MEST: variants seen among roughly 807,000 people sequenced by gnomAD.
MEST encodes the protein mesoderm specific transcript, also known as mesoderm-specific transcript homolog protein.
MEST carries 18 observed loss-of-function variants against 50.9 expected under a neutral mutation model. The ratio of observed to expected loss-of-function variants is 0.35; its 90% confidence interval spans 0.24 to 0.52. MEST has a LOEUF of 0.52. Among genes scored for constraint, MEST ranks in the 20% least tolerant of loss-of-function variants. The pLI, the probability that MEST is intolerant of heterozygous loss-of-function variation, is 0.94. For missense variants in MEST, 282 were observed against 425.3 expected (o/e 0.66, Z 2.96); for synonymous variants, 130 against 154.1 (o/e 0.84, Z 1.16).
intron 9 of MEST, 70 bp from the exon 10 acceptor site, chr7:130,502,574 G>C (rs1367529548): frequency 5.8e-4 from 667 of 1,146,982 alleles, no homozygotes; most frequent in East Asian, 3.4e-3. Context: ...CTTGTGGCTC[G>C]TTATGCCCTT....
In MEST at chr7:130,500,889, A is replaced by T; in HGVS notation, c.748A>T (p.Ser250Cys). ...RNNDGNLVID[S>C]LLQYINQRKK... ...CAATGACGGGAACTTAGTCATTGAC[A>T]GGTAAGAAGTTACCCTTTGCTTTGG... Residue 250 changes from serine (S) to cysteine (C), a missense_variant and splice_region_variant, in exon 9 of 12, where the codon AGT becomes TGT. Transcript: ENST00000223215. The surrounding 1 kb of genome is among the most constrained non-coding windows in gnomAD (Gnocchi z 5.0). The T allele has an allele frequency of 6.2e-7, 1 of 1,612,616 alleles. No homozygotes were observed. The highest frequency in any genetic ancestry group is 2.2e-5 in the East Asian group (1 of 44,864).
chr7:130,500,190 G>A lies in MEST; in HGVS notation c.577-272G>A, dbSNP rs547282228. 420 of 556,666 alleles carry A rather than the reference G, an allele frequency of 7.5e-4. 1 individual carries two copies. The highest frequency in any genetic ancestry group is 2.4e-4 in the Non-Finnish European group (75 of 318,496). 34.5% of individuals were successfully genotyped at this position (556,666 alleles called of 1,614,324 possible). On this transcript the variant is annotated intron_variant, in intron 7 of 11. Coordinates refer to ENST00000223215, the MANE Select transcript of MEST (RefSeq NM_002402.4). The surrounding 1 kb of genome is among the most constrained non-coding windows in gnomAD (Gnocchi z 5.0). ...GATCTGTGTCACAAGCTTGATGTTT[G>A]AACAAATTAGGATCCTACTCTAAAC...
In MEST at chr7:130,497,921, G is replaced by T. The variant is rs375680311; in HGVS notation, c.262-15G>T. On this transcript the variant is annotated splice_polypyrimidine_tract_variant and intron_variant, in intron 3 of 11. Coordinates refer to ENST00000223215, the MANE Select transcript of MEST (RefSeq NM_002402.4). This position sits in a 1 kb window ranked among gnomAD's most constrained non-coding sequence, Gnocchi z 4.0. ...GCAGGAGCAGAAAGCCCAAATCATC[G>T]TTTCTTTCTTGTAGATTTGGGAAGG... 6.2e-7 allele frequency: 1 copy of T among 1,613,546 alleles called. No individual in the cohort carries two copies. The highest frequency in any genetic ancestry group is 1.7e-5 in the Admixed American group (1 of 60,024).
At chr7:130,503,108 A>T (rs1197888930) in intron 10 of MEST, among the ~76,000 whole-genome samples, 1 of 152,238 alleles carries the variant, frequency 6.6e-6, no homozygotes, top group Non-Finnish European at 1.5e-5. Flanking sequence ...TGACTGCCAC[A>T]TTACATGCTG....
chr7:130,506,324 C>T lies in MEST; in HGVS notation c.*1268C>T, dbSNP rs1584955612. 8.5e-6 allele frequency: 1 copy of T among 117,424 alleles called. No homozygotes were observed. The highest frequency in any genetic ancestry group is 1.8e-5 in the Non-Finnish European group (1 of 55,506). The allele number at this position is 117,424 out of a possible 1,614,324, so 7.3% of individuals were successfully genotyped here. A position where few individuals can be genotyped will look rare whatever the true frequency, so the allele number is the denominator to read the frequency against. ...TCTGGCTTCCCCTCCCCCCTCCCCCCCACCCCTCTGGGATAAAAATTTTCC... is the reference window on the plus strand; with the variant it reads ...TCTGGCTTCCCCTCCCCCCTCCCCCTCACCCCTCTGGGATAAAAATTTTCC... On this transcript the variant is annotated 3_prime_UTR_variant, in exon 12 of 12. Transcript: ENST00000223215.
At chr7:130,503,894 G>A in intron 10 of MEST, 39 bp from the exon 11 acceptor site, 1 of 1,460,532 alleles carries the variant, frequency 6.8e-7, no homozygotes, top group Non-Finnish European at 9.6e-7. Context: ...GAACAGATGT[G>A]AGAGCTGTTA....
At chr7:130,486,986 G>C (rs1266676309) in intron 1 of MEST, 1 of 153,084 alleles carries the variant, frequency 6.5e-6, no homozygotes, top group South Asian at 2.1e-4. Flanking sequence ...CAGGGAGGGG[G>C]ACAGCTGAAG....
upstream of MEST, chr7:130,487,216 G>A (rs1450493072): frequency 6.6e-6 from 1 of 152,184 alleles, no homozygotes; most frequent in African/African-American, 2.4e-5. Flanking sequence ...TTTTCCTTAG[G>A]GGACTGTGGT....
Position 130,495,539 on chromosome 7 carries a change from TG to T in MEST, c.181+19del, listed in dbSNP as rs781842027. The T allele has an allele frequency of 6.8e-6, 11 of 1,611,972 alleles. No individual in the cohort carries two copies. In the African/African-American group the frequency reaches 1.1e-4, roughly 16 times the overall value. ...TCTACCAAGGTAAGAAGTGGACTAT[TG>T]GAAGTCCTGCGTGTATCGGTCACAT... On this transcript the variant is annotated intron_variant, in intron 2 of 11. Transcript: ENST00000223215.
chr7:130,505,846 A>G lies in MEST; in HGVS notation c.*790A>G, dbSNP rs1799457376. On this transcript the variant is annotated 3_prime_UTR_variant, in exon 12 of 12. Transcript: ENST00000223215. Reference sequence around the variant, plus strand: ...TCTGTGCCAGAGATGTACTGTTATTAGCTGGGAAGACCAATTCTAACAGCA... The same window carrying G: ...TCTGTGCCAGAGATGTACTGTTATTGGCTGGGAAGACCAATTCTAACAGCA... 6.6e-6 allele frequency: 1 copy of G among 152,234 alleles called. No individual in the cohort carries two copies. Among genetic ancestry groups the G allele is most frequent in the Admixed American group, 6.5e-5 (1 of 15,290 alleles). 9.4% of individuals were successfully genotyped at this position (152,234 alleles called of 1,614,324 possible). A position where few individuals can be genotyped will look rare whatever the true frequency, so the allele number is the denominator to read the frequency against.
At position 130,505,178 on chromosome 7, in the gene MEST, CT is replaced by C; in HGVS notation, c.*125del. On this transcript the variant is annotated 3_prime_UTR_variant, in exon 12 of 12. Coordinates refer to ENST00000223215, the MANE Select transcript of MEST (RefSeq NM_002402.4). ...AAACATAATTCTCTCACAAAGTCCA[CT>C]TTACTCAAATTGGTGAACAGTGTAT... 1.3e-6 allele frequency: 1 copy of C among 772,098 alleles called. No individual in the cohort carries two copies. Among genetic ancestry groups the C allele is most frequent in the Non-Finnish European group, 2.2e-6 (1 of 457,764 alleles). 47.8% of individuals were successfully genotyped at this position (772,098 alleles called of 1,614,324 possible). A position where few individuals can be genotyped will look rare whatever the true frequency, so the allele number is the denominator to read the frequency against.
At chr7:130,499,843 A>G (rs199782119) in intron 6 of MEST, 32 bp from the exon 7 acceptor site, 46 of 1,566,026 alleles carry the variant, frequency 2.9e-5, no homozygotes, top group Non-Finnish European at 3.8e-5. Context: ...TTAAAGCTGT[A>G]GGTAAATGAC....
chr7:130,500,710 A>T lies in MEST; in HGVS notation c.648-79A>T. The T allele has an allele frequency of 7.6e-7, 1 of 1,310,276 alleles. No individual in the cohort carries two copies. Among genetic ancestry groups the T allele is most frequent in the South Asian group, 1.4e-5 (1 of 72,996 alleles). The allele number at this position is 1,310,276 out of a possible 1,614,324, so 81.2% of individuals were successfully genotyped here. On this transcript the variant is annotated intron_variant, in intron 8 of 11. Coordinates refer to ENST00000223215, the MANE Select transcript of MEST (RefSeq NM_002402.4). This position sits in a 1 kb window ranked among gnomAD's most constrained non-coding sequence, Gnocchi z 5.0. ...GGTCAGACTGCATGGCCCAGACTGCATGGCCTCTGAGGTTCCAGCCATATT... is the reference window on the plus strand; with the variant it reads ...GGTCAGACTGCATGGCCCAGACTGCTTGGCCTCTGAGGTTCCAGCCATATT...
intron 10 of MEST, among the ~76,000 whole-genome samples, chr7:130,503,546 C>T (rs1315279306): frequency 5.9e-5 from 9 of 152,308 alleles, no homozygotes; most frequent in Admixed American, 1.3e-4. Flanking sequence ...AGGATGCTCA[C>T]GTCTGTAATC....
At chr7:130,488,644 G>A (rs1271795053), upstream of MEST, 1 of 152,232 alleles carries the variant, frequency 6.6e-6, no homozygotes, top group East Asian at 1.9e-4. Context: ...CCAGGCTACT[G>A]TGAGGATCAG....
intron 1 of MEST, chr7:130,494,753 G>C: frequency 1.3e-6 from 1 of 786,700 alleles, no homozygotes; most frequent in Middle Eastern, 6.4e-4. Flanking sequence ...ACCCTGAGCA[G>C]TTTCTCAGCC....
intron 2 of MEST, chr7:130,496,639 T>C (rs782447224): frequency 3.0e-5 from 5 of 165,548 alleles, no homozygotes; most frequent in Non-Finnish European, 5.1e-5. Flanking sequence ...TTGTAATAGT[T>C]TTATTATGTT....
Position 130,505,873 on chromosome 7 carries a change from A to G in MEST, c.*817A>G, listed in dbSNP as rs1418420254. 3.3e-5 allele frequency: 5 copies of G among 152,232 alleles called. No individual in the cohort carries two copies. Among genetic ancestry groups the G allele is most frequent in the Admixed American group, 2.0e-4 (3 of 15,280 alleles). 9.4% of individuals were successfully genotyped at this position (152,232 alleles called of 1,614,324 possible). ...CTGGGAAGACCAATTCTAACAGCAA[A>G]TAACAGTCTGAGACTCCTCATACCT... On this transcript the variant is annotated 3_prime_UTR_variant, in exon 12 of 12. Transcript: ENST00000223215.
At position 130,497,127 on chromosome 7, in the gene MEST, A is replaced by G. The variant is rs782378385; in HGVS notation, c.182-29A>G. 11 of 1,581,564 alleles carry G rather than the reference A, an allele frequency of 7.0e-6. No individual in the cohort carries two copies. The South Asian group carries it at 1.0e-4, about 15-fold the overall frequency. ...GAGGTTATTTTTATAGGGATTTGGC[A>G]TAATTGATTGTACTTTCCTTCTTCC... On this transcript the variant is annotated intron_variant, in intron 2 of 11. Transcript: ENST00000223215. This position sits in a 1 kb window ranked among gnomAD's most constrained non-coding sequence, Gnocchi z 4.0.
Sources: gnomAD v4.1 joint callset for allele counts (sites outside exome capture counted in the v4.1 genomes callset) on GRCh38, gnomAD v4.1.1 for gene constraint, Gnocchi (gnomAD v3.1) non-coding constraint, MANE v1.5 for transcripts, NCBI Gene and HGNC (gene_info 2026-07-23, HGNC 2026-07-21) for gene names.